Variants in PI4K2B observed in about 807,000 individuals in gnomAD.
PI4K2B encodes phosphatidylinositol 4-kinase type 2-beta.
A neutral mutation model predicts 56.6 loss-of-function variants in PI4K2B; 46 were observed. The observed-to-expected ratio is 0.81, with a 90% CI of 0.64 to 1.04. PI4K2B has a LOEUF of 1.04. PI4K2B is among the 50% of genes least tolerant of loss of function. PI4K2B has a pLI of 0.00. For synonymous variants in PI4K2B, 211 were observed against 223.8 expected (o/e 0.94, Z 0.51); for missense variants, 556 against 607.7 (o/e 0.91, Z 0.89).
rs1468096076 is a variant in PI4K2B, at chr4:25,277,313, A to T, written c.*126A>T. 4 of 1,155,452 alleles carry T rather than the reference A, an allele frequency of 3.5e-6. No homozygotes were observed. Among genetic ancestry groups the T allele is most frequent in the Non-Finnish European group, 4.6e-6 (4 of 877,684 alleles). 71.6% of individuals were successfully genotyped at this position (1,155,452 alleles called of 1,614,324 possible). On this transcript the variant is annotated 3_prime_UTR_variant, in exon 10 of 10. Coordinates refer to ENST00000264864, the MANE Select transcript of PI4K2B (RefSeq NM_018323.4). The stretch of plus-strand genomic sequence containing the variant: ...TCAATTTAAGTCTTTAAAAGGTTGT[A>T]TTTTGAATGTAACCAAAAGTTTACA...
intron 7 of PI4K2B, chr4:25,267,789 A>G (rs1035542015): frequency 3.1e-6 from 3 of 980,054 alleles, no homozygotes; most frequent in Non-Finnish European, 1.2e-6. Flanking sequence ...GCTTAGAGTC[A>G]TGGATCTTTT....
Position 25,243,347 on chromosome 4 carries a change from T to C in PI4K2B, c.268+8916T>C, listed in dbSNP as rs559984603. Among the ~76,000 whole-genome samples, 393 of 152,334 alleles carry C rather than the reference T, an allele frequency of 2.6e-3. 2 individuals are homozygous for C. Among genetic ancestry groups the C allele is most frequent in the African/African-American group, 8.8e-3 (364 of 41,578 alleles). On this transcript the variant is annotated intron_variant, in intron 1 of 9. Coordinates refer to ENST00000264864, the MANE Select transcript of PI4K2B (RefSeq NM_018323.4). ...GGATGAGGGGGCAGCTTGTTTCTCA[T>C]TGGACAATCTTTTTTAAAGCATCCT...
intron 1 of PI4K2B, 59 bp downstream of exon 1, chr4:25,234,490 G>A (rs1715157487): frequency 3.2e-5 from 37 of 1,174,152 alleles, no homozygotes; most frequent in Non-Finnish European, 3.8e-5. Flanking sequence ...CCTGTCGCCC[G>A]GCTCGGTCCT....
At position 25,252,475 on chromosome 4, in the gene PI4K2B, G is replaced by A. The variant is rs1224388616; in HGVS notation, c.423G>A (p.Arg141=). ...SGSYFVKDPK[R]KIIGVFKPKS... Reference sequence around the variant, plus strand: ...GTTACTTTGTGAAGGATCCTAAGAGGGTGAGAATTTCACAGACCTATTATA... The same window carrying A: ...GTTACTTTGTGAAGGATCCTAAGAGAGTGAGAATTTCACAGACCTATTATA... The change falls in exon 2 of 10, where the codon AGG becomes AGA. Residue 141 remains arginine, a splice_region_variant and synonymous_variant. Transcript: ENST00000264864. 1.4e-5 allele frequency: 22 copies of A among 1,599,400 alleles called. No individual in the cohort carries two copies. The highest frequency in any genetic ancestry group is 1.8e-5 in the Non-Finnish European group (21 of 1,167,388).
chr4:25,235,527 A>T (rs919347956), intron 1 of PI4K2B, among the ~76,000 whole-genome samples: 1 of 152,218 alleles, frequency 6.6e-6, no homozygotes, highest in African/African-American at 2.4e-5. Flanking sequence ...AGAGAATCCC[A>T]AGGGGAGCAG....
At chr4:25,275,139 C>T (rs771627093) in intron 9 of PI4K2B, among the ~76,000 whole-genome samples, 8 of 152,268 alleles carry the variant, frequency 5.3e-5, no homozygotes, top group Non-Finnish European at 1.0e-4. Context: ...GCAAGAGTCA[C>T]ATACTGTTCT....
intron 8 of PI4K2B, 28 bp from the exon 9 acceptor site, chr4:25,269,116 G>A: frequency 7.6e-7 from 1 of 1,321,498 alleles, no homozygotes; most frequent in Non-Finnish European, 1.1e-6. Flanking sequence ...CTTTATTTTG[G>A]GAATTGTTTT....
intron 1 of PI4K2B, among the ~76,000 whole-genome samples, chr4:25,243,613 C>G (rs148838199): frequency 6.6e-6 from 1 of 152,202 alleles, no homozygotes; most frequent in African/African-American, 2.4e-5. Flanking sequence ...GAGCTTTCTC[C>G]TGATATCTGT....
chr4:25,278,120 C>T lies in PI4K2B; in HGVS notation c.*933C>T, dbSNP rs1203964817. On this transcript the variant is annotated 3_prime_UTR_variant, in exon 10 of 10. Coordinates refer to ENST00000264864, the MANE Select transcript of PI4K2B (RefSeq NM_018323.4). ...AAATTATTATGATTGTACTATTGTA[C>T]TTGAAATTACAGATGTTATTATAAT... is the stretch of plus-strand genomic sequence containing the variant. The T allele has an allele frequency of 2.0e-5, 3 of 152,098 alleles. No homozygotes were observed. The highest frequency in any genetic ancestry group is 1.3e-4 in the Admixed American group (2 of 15,268). 9.4% of individuals were successfully genotyped at this position (152,098 alleles called of 1,614,324 possible). A position where few individuals can be genotyped will look rare whatever the true frequency, so the allele number is the denominator to read the frequency against.
In PI4K2B at chr4:25,269,180, C is replaced by A; in HGVS notation, c.1249C>A (p.Gln417Lys). ...ATTTGACAAAGCCACTTTTGAAAGT[C>A]AGATGTCTGTGATGAGGGGTCAGGT... ...KGFDKATFES[Q>K]MSVMRGQILN... The change falls in exon 9 of 10, where the codon CAG (glutamine) becomes AAG (lysine). Residue 417 changes from glutamine to lysine, a missense_variant. Physicochemically the swap from Gln to Lys is moderately conservative, Grantham distance 53 (BLOSUM62 1). Transcript: ENST00000264864. The A allele has an allele frequency of 1.3e-6, 2 of 1,588,236 alleles. No homozygotes were observed. The highest frequency in any genetic ancestry group is 1.7e-6 in the Non-Finnish European group (2 of 1,157,170).
At position 25,277,160 on chromosome 4, in the gene PI4K2B, C is replaced by T. The variant is rs1717135750; in HGVS notation, c.1419C>T (p.Cys473=). 1.2e-6 allele frequency: 2 copies of T among 1,612,684 alleles called. No homozygotes were observed. Among genetic ancestry groups the T allele is most frequent in the Non-Finnish European group, 1.7e-6 (2 of 1,178,988 alleles). Residue 473 remains cysteine, a synonymous_variant, in exon 10 of 10, where the codon TGC becomes TGT. Coordinates refer to ENST00000264864, the MANE Select transcript of PI4K2B (RefSeq NM_018323.4). ...ATTCCTTTACCCAGACTGTCAATTGCAGGAAGCCATTTTTTTCCTCCTGGT... is the reference window on the plus strand; with the variant it reads ...ATTCCTTTACCCAGACTGTCAATTGTAGGAAGCCATTTTTTTCCTCCTGGT... ...LSNSFTQTVN[C]RKPFFSSW is the part of the protein sequence containing the mutation.
intron 3 of PI4K2B, 106 bp from the exon 4 acceptor site, chr4:25,256,437 G>A (rs1716267156): frequency 4.6e-6 from 5 of 1,076,496 alleles, no homozygotes; most frequent in South Asian, 1.6e-5. Flanking sequence ...TTTATTACAG[G>A]ATTAAACTTT....
At chr4:25,254,460 C>T in intron 2 of PI4K2B, 2 of 265,878 alleles carry the variant, frequency 7.5e-6, no homozygotes, top group Non-Finnish European at 1.2e-5. Context: ...GTCACCCAGG[C>T]TGGAGTGCAG....
intron 7 of PI4K2B, among the ~76,000 whole-genome samples, chr4:25,265,554 A>G (rs1370000216): frequency 6.6e-6 from 1 of 152,154 alleles, no homozygotes; most frequent in Non-Finnish European, 1.5e-5. Context: ...GTGGTACTCT[A>G]TGGCTCTGCT....
chr4:25,269,489 A>T (rs2109023894), intron 9 of PI4K2B, among the ~76,000 whole-genome samples: 1 of 152,042 alleles, frequency 6.6e-6, no homozygotes, highest in East Asian at 2.0e-4. Flanking sequence ...ATACAAAAAA[A>T]TTAGCTGGGT....
At chr4:25,251,598 G>A (rs562081606) in intron 1 of PI4K2B, among the ~76,000 whole-genome samples, 143 of 152,178 alleles carry the variant, frequency 9.4e-4, no homozygotes, top group African/African-American at 3.3e-3. Flanking sequence ...ATTTGGACTC[G>A]GAGTGCCAGA....
rs1239771136 is a variant in PI4K2B, at chr4:25,234,073, C to T, written c.-91C>T. 7 of 1,101,944 alleles carry T rather than the reference C, an allele frequency of 6.4e-6. No individual in the cohort carries two copies. Among genetic ancestry groups the T allele is most frequent in the Non-Finnish European group, 8.1e-6 (7 of 867,980 alleles). 68.3% of individuals were successfully genotyped at this position (1,101,944 alleles called of 1,614,324 possible). On this transcript the variant is annotated 5_prime_UTR_variant, in exon 1 of 10. Transcript: ENST00000264864. ...CTGGTGAGGTGGCGTCCGTTCTACC[C>T]GGTCGCTCCCGTTCCGCGCCATGCA...
At chr4:25,276,398 C>G (rs1323910495) in intron 9 of PI4K2B, 3 of 274,948 alleles carry the variant, frequency 1.1e-5, no homozygotes, top group Non-Finnish European at 1.7e-5. Flanking sequence ...TTCCCAAATT[C>G]TCTAACCTAT....
intron 6 of PI4K2B, among the ~76,000 whole-genome samples, chr4:25,262,947 GA>G (rs1716531491): frequency 6.6e-6 from 1 of 152,136 alleles, no homozygotes; most frequent in Admixed American, 6.6e-5. Flanking sequence ...CATTTATAAA[GA>G]AAAGAGACTC....
Sources: allele counts gnomAD v4.1 joint callset (sites outside exome capture counted in the v4.1 genomes callset), GRCh38; gene constraint gnomAD v4.1.1; transcripts MANE v1.5; gene names NCBI Gene and HGNC (gene_info 2026-07-23, HGNC 2026-07-21).